PML: variants seen among roughly 807,000 people sequenced by gnomAD.
PML encodes PML nuclear body scaffold.
Under a neutral mutation model 65.2 loss-of-function variants are expected in PML, and 28 were observed. That is an observed-to-expected ratio of 0.43 (90% confidence interval 0.32 to 0.59). The LOEUF is 0.59. Ranked by LOEUF, PML falls within the 20% of genes least tolerant of loss-of-function variation. The pLI, the probability that PML is intolerant of heterozygous loss-of-function variation, is 0.08. For synonymous variants in PML, 500 were observed against 508.8 expected, an observed-to-expected ratio of 0.98 and a Z score of 0.23; for missense variants, 1,021 against 1,203.4, an observed-to-expected ratio of 0.85 and a Z score of 2.24.
At chr15:74,019,306 G>A (rs1212697184) in intron 2 of PML, among the ~76,000 whole-genome samples, 1 of 152,232 alleles carries the variant, frequency 6.6e-6, no homozygotes, top group Non-Finnish European at 1.5e-5. Context: ...CTCCAAGGAA[G>A]GGGATCCAAC....
chr15:74,007,909 G>A (rs2141758356), intron 2 of PML, among the ~76,000 whole-genome samples: 1 of 152,326 alleles, frequency 6.6e-6, no homozygotes, highest in South Asian at 2.1e-4. Context: ...TGACTTTGCT[G>A]TCTATTGTGA....
At chr15:74,033,032 T>C (rs1435373040) in intron 5 of PML, 124 bp from the exon 6 acceptor site, 20 of 1,019,336 alleles carry the variant, frequency 2.0e-5, no homozygotes, top group Non-Finnish European at 3.1e-5. Flanking sequence ...TCTGCGTGGT[T>C]GAGAGCAGAG....
rs1166785056 is a variant in PML, at chr15:74,035,809, C to A, written c.1710+1279C>A. 6.2e-7 allele frequency: 1 copy of A among 1,614,010 alleles called. No individual in the cohort carries two copies. The highest frequency in any genetic ancestry group is 2.2e-5 in the East Asian group (1 of 44,844). ...CAGACTCTTGGAGCAGGTGTTCCCCCTGGGGACTCTGTCAGAGGCTCCATG... is the reference window on the plus strand; with the variant it reads ...CAGACTCTTGGAGCAGGTGTTCCCCATGGGGACTCTGTCAGAGGCTCCATG... On this transcript the variant is annotated intron_variant, in intron 7 of 8. Coordinates refer to ENST00000268058, the MANE Select transcript of PML (RefSeq NM_033238.3). This position sits in a 1 kb window ranked among gnomAD's most constrained non-coding sequence, Gnocchi z 4.1.
intron 8 of PML, 92 bp from the exon 9 acceptor site, chr15:74,044,129 A>G: frequency 8.0e-7 from 1 of 1,252,032 alleles, no homozygotes; most frequent in South Asian, 1.2e-5. Context: ...AGGTCTCTAG[A>G]TGGTGAGTCA....
Position 74,045,132 on chromosome 15 carries a change from G to A in PML, c.*124G>A, listed in dbSNP as rs2071759036. On this transcript the variant is annotated 3_prime_UTR_variant, in exon 9 of 9. Transcript: ENST00000268058. ...CAGCCCTCAGTTGTCATTTGGTTCA[G>A]AATCAGTTCCCTTTCTCTGGGACCA... is the stretch of plus-strand genomic sequence containing the variant. The A allele has an allele frequency of 2.2e-6, 2 of 891,432 alleles. No homozygotes were observed. Among genetic ancestry groups the A allele is most frequent in the African/African-American group, 3.4e-5 (2 of 59,592 alleles). The allele number at this position is 891,432 out of a possible 1,614,324, so 55.2% of individuals were successfully genotyped here.
At chr15:74,006,121 C>T (rs948883141) in intron 2 of PML, among the ~76,000 whole-genome samples, 19 of 152,058 alleles carry the variant, frequency 1.2e-4, no homozygotes, top group Non-Finnish European at 2.1e-4. Context: ...CTGGGTGCTG[C>T]GGCTCACACC....
intron 6 of PML, 159 bp downstream of exon 6, chr15:74,033,573 G>A: frequency 1.2e-6 from 1 of 807,184 alleles, no homozygotes; most frequent in Non-Finnish European, 2.1e-6. Flanking sequence ...GCGTGGGGGT[G>A]AGAGTGGACA....
In PML at chr15:74,037,293, TA is replaced by T; in HGVS notation, c.1710+2764del. 1 of 985,400 alleles carries T rather than the reference TA, an allele frequency of 1.0e-6. No individual in the cohort carries two copies. The highest frequency in any genetic ancestry group is 1.2e-6 in the Non-Finnish European group (1 of 829,910). 61.0% of individuals were successfully genotyped at this position (985,400 alleles called of 1,614,324 possible). ...GGCATAGGGACAGTTGACATCTTGC[TA>T]TTTACAGATCCCCATCGCACCCCTT... is the stretch of plus-strand genomic sequence containing the variant. On this transcript the variant is annotated intron_variant, in intron 7 of 8. Transcript: ENST00000268058. This position sits in a 1 kb window ranked among gnomAD's most constrained non-coding sequence, Gnocchi z 4.2.
chr15:74,001,193 T>G (rs941645727), intron 2 of PML, among the ~76,000 whole-genome samples: 10 of 152,286 alleles, frequency 6.6e-5, no homozygotes, highest in Non-Finnish European at 1.2e-4. Context: ...TTTTAGTCTT[T>G]CCTTAGATTG....
chr15:74,046,033 C>T lies in PML; in HGVS notation c.*1025C>T, dbSNP rs1333844720. The T allele has an allele frequency of 4.3e-6, 1 of 232,912 alleles. No homozygotes were observed. Among genetic ancestry groups the T allele is most frequent in the African/African-American group, 2.2e-5 (1 of 45,334 alleles). The allele number at this position is 232,912 out of a possible 1,614,324, so 14.4% of individuals were successfully genotyped here. On this transcript the variant is annotated 3_prime_UTR_variant, in exon 9 of 9. Coordinates refer to ENST00000268058, the MANE Select transcript of PML (RefSeq NM_033238.3). ...ACAGCAGAGAAAGTCCCGTCCCTATCTCTGACTGTGCAGTGAGTGTGGCCT... is the reference window on the plus strand; with the variant it reads ...ACAGCAGAGAAAGTCCCGTCCCTATTTCTGACTGTGCAGTGAGTGTGGCCT...
intron 2 of PML, among the ~76,000 whole-genome samples, chr15:74,015,996 C>G (rs150942927): frequency 6.6e-6 from 1 of 152,138 alleles, no homozygotes; most frequent in Non-Finnish European, 1.5e-5. Context: ...ATACACTACT[C>G]GGCCAGGCGA....
At chr15:73,997,563 T>A (rs1286004225) in intron 1 of PML, among the ~76,000 whole-genome samples, 2 of 152,250 alleles carry the variant, frequency 1.3e-5, no homozygotes, top group Non-Finnish European at 2.9e-5. Context: ...GTTGTACAAG[T>A]ATCTGTTTGG....
chr15:74,002,171 G>A (rs2069792239), intron 2 of PML, among the ~76,000 whole-genome samples: 1 of 152,068 alleles, frequency 6.6e-6, no homozygotes, highest in Admixed American at 6.6e-5. Context: ...AGTTTATACA[G>A]TTTGTATGAG....
chr15:74,009,829 A>C (rs1275370591), intron 2 of PML, among the ~76,000 whole-genome samples: 3 of 152,134 alleles, frequency 2.0e-5, no homozygotes, highest in Non-Finnish European at 1.5e-5. Flanking sequence ...CTGTGATTAC[A>C]GGCTTGAGCC....
rs2071737911 is a variant in PML, at chr15:74,043,667, C to T, written c.1861+528C>T. The T allele has an allele frequency of 1.9e-6, 1 of 528,118 alleles. No homozygotes were observed. The highest frequency in any genetic ancestry group is 3.7e-6 in the Non-Finnish European group (1 of 266,694). The allele number at this position is 528,118 out of a possible 1,614,324, so 32.7% of individuals were successfully genotyped here. On this transcript the variant is annotated intron_variant, in intron 8 of 8. Coordinates refer to ENST00000268058, the MANE Select transcript of PML (RefSeq NM_033238.3). The surrounding 1 kb of genome is among the most constrained non-coding windows in gnomAD (Gnocchi z 4.3). ...CCTCCTTGAGCCAGAGCCCCAGGCC[C>T]TACCCTGTGGCATGGACTCAACATT...
At chr15:73,999,825 T>A (rs1392184290) in intron 2 of PML, among the ~76,000 whole-genome samples, 3 of 150,828 alleles carry the variant, frequency 2.0e-5, no homozygotes, top group East Asian at 1.9e-4. Flanking sequence ...ATTTAAAAAA[T>A]TTTTTTTAAT....
intron 7 of PML, 43 bp downstream of exon 7, chr15:74,034,573 C>A (rs1187724212): frequency 2.5e-6 from 4 of 1,614,094 alleles, no homozygotes; most frequent in Admixed American, 1.7e-5. Context: ...TGCCTCCCCC[C>A]ATTTCAGGTC....
chr15:74,040,449 T>C (rs191980154), intron 7 of PML, among the ~76,000 whole-genome samples: 81 of 152,284 alleles, frequency 5.3e-4, no homozygotes, highest in African/African-American at 1.9e-3. Flanking sequence ...CACCCAGTTA[T>C]CCTAATTTGC....
intron 2 of PML, among the ~76,000 whole-genome samples, chr15:74,006,312 A>AC (rs1433076203): frequency 6.8e-6 from 1 of 146,526 alleles, no homozygotes; most frequent in Non-Finnish European, 1.5e-5. Flanking sequence ...AATTGCATGA[A>AC]CCCTGGAGGT....
Sources: gnomAD v4.1 joint callset for allele counts (sites outside exome capture counted in the v4.1 genomes callset) on GRCh38, gnomAD v4.1.1 for gene constraint, Gnocchi (gnomAD v3.1) non-coding constraint, MANE v1.5 for transcripts, NCBI Gene and HGNC (gene_info 2026-07-23, HGNC 2026-07-21) for gene names.